The following NOS1 variants were observed in gnomAD, a reference collection of about 807,000 sequenced individuals.
The protein encoded by NOS1 is nitric oxide synthase 1, also known as NOS type I.
In NOS1, 51 loss-of-function variants were observed where a neutral mutation model predicts 164.5. The observed-to-expected ratio is 0.31, with a 90% CI of 0.25 to 0.39. The LOEUF (loss-of-function observed/expected upper bound fraction) is 0.39, where lower values mean the gene tolerates loss of function less well. Ranked by LOEUF, NOS1 falls within the 10% of genes least tolerant of loss-of-function variation. The pLI, the probability that NOS1 is intolerant of heterozygous loss-of-function variation, is 1.00. For missense variants in NOS1, 1,362 were observed against 1,885.6 expected (o/e 0.72, Z 5.14); for synonymous variants, 719 against 745.8 (o/e 0.96, Z 0.59).
chr12:117,320,322 C>T (rs1874856371), intron 2 of NOS1, among the ~76,000 whole-genome samples: 1 of 152,124 alleles, frequency 6.6e-6, no homozygotes, highest in African/African-American at 2.4e-5. Context: ...AAGAGGGCTA[C>T]AGAGGGAGCT....
At chr12:117,348,017 A>ATTTTTTTTTTTT (rs5801226) in intron 1 of NOS1, 1 of 101,878 alleles carries the variant, frequency 9.8e-6, no homozygotes, top group Non-Finnish European at 1.9e-5. Flanking sequence ...GATCCCCTAC[A>ATTTTTTTTTTTT]TTTTTTTTTT....
chr12:117,327,840 C>A (rs1328913373), intron 2 of NOS1, among the ~76,000 whole-genome samples: 2 of 152,114 alleles, frequency 1.3e-5, no homozygotes, highest in African/African-American at 4.8e-5. Context: ...GCCAGTGACC[C>A]TGGTTTCCCC....
At chr12:117,337,147 G>C (rs1186395252) in intron 1 of NOS1, among the ~76,000 whole-genome samples, 2 of 105,970 alleles carry the variant, frequency 1.9e-5, no homozygotes, top group Non-Finnish European at 3.5e-5. Flanking sequence ...ACGGAGTCTT[G>C]CTCTGTCGCC....
chr12:117,230,931 T>C (rs1230378512), intron 22 of NOS1, among the ~76,000 whole-genome samples: 3 of 152,054 alleles, frequency 2.0e-5, no homozygotes, highest in Non-Finnish European at 4.4e-5. Flanking sequence ...GTCATGAAGA[T>C]GGAGAGTAGA....
At position 117,210,572 on chromosome 12, in the gene NOS1, C is replaced by T; in HGVS notation, c.*4737G>A. ...CCTAATGGCAAGAATGAAAAGGCTG[C>T]ATTAGGCGCTGGTGCTGTCGGAGTG... On this transcript the variant is annotated 3_prime_UTR_variant, in exon 29 of 29. Transcript: ENST00000317775. 1 of 985,494 alleles carries T rather than the reference C, an allele frequency of 1.0e-6. No individual in the cohort carries two copies. Among genetic ancestry groups the T allele is most frequent in the Non-Finnish European group, 1.2e-6 (1 of 830,004 alleles). The allele number at this position is 985,494 out of a possible 1,614,324, so 61.0% of individuals were successfully genotyped here. A position where few individuals can be genotyped will look rare whatever the true frequency, so the allele number is the denominator to read the frequency against.
intron 23 of NOS1, 46 bp downstream of exon 23, chr12:117,227,385 T>A: frequency 1.3e-6 from 2 of 1,589,900 alleles, no homozygotes; most frequent in Non-Finnish European, 1.7e-6. Context: ...AGAGGCCCCT[T>A]GGGGGAAAAT....
At chr12:117,215,535 C>A (rs537487013) in intron 28 of NOS1, among the ~76,000 whole-genome samples, 1 of 151,790 alleles carries the variant, frequency 6.6e-6, no homozygotes, top group Admixed American at 6.6e-5. Context: ...AGGGTTCAAG[C>A]GATTCTCCTG....
chr12:117,265,555 G>A (rs1354548826), intron 11 of NOS1, 45 bp from the exon 12 acceptor site: 6 of 1,376,032 alleles, frequency 4.4e-6, no homozygotes, highest in Non-Finnish European at 5.8e-6. Context: ...TGAGAAGCTG[G>A]GGTATTTTGG....
intron 1 of NOS1, among the ~76,000 whole-genome samples, chr12:117,340,067 T>C (rs1215941406): frequency 6.6e-6 from 1 of 152,062 alleles, no homozygotes; most frequent in Non-Finnish European, 1.5e-5. Context: ...GGCAGTGGTG[T>C]AATAACAGCT....
chr12:117,218,019 C>G, intron 28 of NOS1, 27 bp downstream of exon 28: 1 of 1,524,342 alleles, frequency 6.6e-7, no homozygotes, highest in Non-Finnish European at 9.1e-7. Flanking sequence ...TCTTCCTGCC[C>G]CTCACCCAGG....
chr12:117,285,686 AC>A (rs762672304), intron 6 of NOS1, among the ~76,000 whole-genome samples: 13 of 151,794 alleles, frequency 8.6e-5, no homozygotes, highest in Non-Finnish European at 1.5e-4. Flanking sequence ...ATCAAACAAA[AC>A]CCCCCTGATC....
chr12:117,219,136 G>A (rs1472977943), intron 27 of NOS1, among the ~76,000 whole-genome samples: 3 of 150,688 alleles, frequency 2.0e-5, no homozygotes, highest in African/African-American at 7.3e-5. Flanking sequence ...GCGCCACTAC[G>A]CCCAGCTAAT....
intron 1 of NOS1, among the ~76,000 whole-genome samples, chr12:117,353,857 T>C (rs1233334275): frequency 6.6e-6 from 1 of 152,168 alleles, no homozygotes; most frequent in African/African-American, 2.4e-5. Context: ...CCCAGCACTT[T>C]GGGACGCTGA....
chr12:117,231,271 T>C (rs910265015), intron 22 of NOS1, among the ~76,000 whole-genome samples: 1 of 151,528 alleles, frequency 6.6e-6, no homozygotes, highest in Admixed American at 6.6e-5. Context: ...TGAACCGAGA[T>C]TGCGCCACGG....
At position 117,209,059 on chromosome 12, in the gene NOS1, G is replaced by A. The variant is rs1956488924; in HGVS notation, c.*6250C>T. ...TTTGAAAGCATACTGCCCTCCCCAT[G>A]CCCCCTCCCCCGGACACCCTCAAAT... On this transcript the variant is annotated 3_prime_UTR_variant, in exon 29 of 29. Transcript: ENST00000317775. 1.0e-6 allele frequency: 1 copy of A among 984,830 alleles called. No individual in the cohort carries two copies. The highest frequency in any genetic ancestry group is 1.2e-6 in the Non-Finnish European group (1 of 829,756). The allele number at this position is 984,830 out of a possible 1,614,324, so 61.0% of individuals were successfully genotyped here.
chr12:117,262,429 A>G (rs866760360), intron 13 of NOS1, among the ~76,000 whole-genome samples: 15 of 116,006 alleles, frequency 1.3e-4, no homozygotes, highest in African/African-American at 4.3e-4. Flanking sequence ...GGAGGGAGGG[A>G]GAGAGAGAGA....
rs1341359737 is a variant in NOS1, at chr12:117,234,446, G to A, written c.3235+119C>T. 5 of 1,042,864 alleles carry A rather than the reference G, an allele frequency of 4.8e-6. No homozygotes were observed. Among genetic ancestry groups the A allele is most frequent in the African/African-American group, 1.6e-5 (1 of 62,838 alleles). The allele number at this position is 1,042,864 out of a possible 1,614,324, so 64.6% of individuals were successfully genotyped here. The stretch of plus-strand genomic sequence containing the variant: ...ATATCTTTAGTCTCATAGGCTGTTA[G>A]CAACAGACACCCACTCTCCTGCCTG... On this transcript the variant is annotated intron_variant, in intron 21 of 28. Transcript: ENST00000317775. This position sits in a 1 kb window ranked among gnomAD's most constrained non-coding sequence, Gnocchi z 4.3.
chr12:117,336,118 G>A (rs938192165), intron 1 of NOS1, among the ~76,000 whole-genome samples: 6 of 152,136 alleles, frequency 3.9e-5, no homozygotes, highest in African/African-American at 1.4e-4. Context: ...TCACAGTCCT[G>A]AAAATAATCT....
At chr12:117,259,565 A>G (rs1871720576) in intron 14 of NOS1, among the ~76,000 whole-genome samples, 1 of 152,054 alleles carries the variant, frequency 6.6e-6, no homozygotes, top group Non-Finnish European at 1.5e-5. Flanking sequence ...TCCTCCCCCG[A>G]GCAGTGTGGA....
Sources: gnomAD v4.1 joint callset for allele counts (sites outside exome capture counted in the v4.1 genomes callset) on GRCh38, gnomAD v4.1.1 for gene constraint, Gnocchi (gnomAD v3.1) non-coding constraint, MANE v1.5 for transcripts, NCBI Gene and HGNC (gene_info 2026-07-23, HGNC 2026-07-21) for gene names.